Variants in C12orf42 observed in about 807,000 individuals in gnomAD.
C12orf42 encodes uncharacterized protein C12orf42.
A neutral mutation model predicts 21.6 loss-of-function variants in C12orf42; 25 were observed. The ratio of observed to expected loss-of-function variants is 1.16; its 90% CI spans 0.84 to 1.62. The LOEUF is 1.62. C12orf42 is among the 40% of genes most tolerant of loss of function. The pLI is 0.00. For synonymous variants in C12orf42, 174 were observed against 175.0 expected, an observed-to-expected ratio of 0.99 and a Z score of 0.05; for missense variants, 483 against 459.3, an observed-to-expected ratio of 1.05 and a Z score of -0.47.
intron 4 of C12orf42, among the ~76,000 whole-genome samples, chr12:103,340,664 C>G (rs2137229538): frequency 6.6e-6 from 1 of 152,272 alleles, no homozygotes; most frequent in South Asian, 2.1e-4. Flanking sequence ...ACAGTTATAA[C>G]TCTATTCCAT....
chr12:103,418,827 G>A (rs921954639), intron 2 of C12orf42, among the ~76,000 whole-genome samples: 19 of 145,016 alleles, frequency 1.3e-4, no homozygotes, highest in East Asian at 4.3e-4. Context: ...GTAACATTCC[G>A]TTAAATTTTT....
chr12:103,481,658 A>G (rs1434075394), intron 1 of C12orf42, among the ~76,000 whole-genome samples: 2 of 5,560 alleles, frequency 3.6e-4, no homozygotes, highest in African/African-American at 8.4e-4. Flanking sequence ...AGTTACTTTA[A>G]AAAAAAAATA....
At chr12:103,444,820 A>G (rs1270618379) in intron 2 of C12orf42, among the ~76,000 whole-genome samples, 1 of 152,016 alleles carries the variant, frequency 6.6e-6, no homozygotes, top group Non-Finnish European at 1.5e-5. Flanking sequence ...TATCAATATC[A>G]TATTTCCCCT....
In C12orf42 at chr12:103,478,746, G is replaced by C. The variant is rs189677227; in HGVS notation, c.-21-299C>G. Among the ~76,000 whole-genome samples, 6 of 152,092 alleles carry C rather than the reference G, an allele frequency of 3.9e-5. No individual in the cohort carries two copies. The East Asian group carries it at 1.2e-3, about 29-fold the overall frequency. ...TCATCTATTGCAAGATATAATCCTAGGTGGTGCTTGCTTTGGTTGGCTGGT... is the reference window on the plus strand; with the variant it reads ...TCATCTATTGCAAGATATAATCCTACGTGGTGCTTGCTTTGGTTGGCTGGT... On this transcript the variant is annotated intron_variant, in intron 1 of 5. Coordinates refer to ENST00000548883, the MANE Select transcript of C12orf42 (RefSeq NM_198521.5).
chr12:103,502,654 C>G, the C12orf42 span, among the ~76,000 whole-genome samples: 23 of 152,286 alleles, frequency 1.5e-4, no homozygotes, highest in Non-Finnish European at 2.1e-4. Context: ...CAGCCCTGCC[C>G]GCTGCCAGCC....
chr12:103,249,596 T>C (rs1306852468), intron 10 of C12orf42, among the ~76,000 whole-genome samples: 1 of 152,066 alleles, frequency 6.6e-6, no homozygotes, highest in South Asian at 2.1e-4. Flanking sequence ...TCTTACACTA[T>C]CCCATATCTG....
chr12:103,094,186 T>TAATGTAATGGCATAAGGTAATGAGGCC, the C12orf42 span, among the ~76,000 whole-genome samples: 1 of 152,306 alleles, frequency 6.6e-6, no homozygotes, highest in East Asian at 1.9e-4. Flanking sequence ...ACATCCTTGG[T>TAATGTAATGGCATAAGGTAATGAGGCC]TTCTCATTCC....
the C12orf42 span, among the ~76,000 whole-genome samples, chr12:103,120,344 T>C: frequency 6.6e-6 from 1 of 152,176 alleles, no homozygotes; most frequent in Non-Finnish European, 1.5e-5. Flanking sequence ...GAGGAGACAC[T>C]TGAATCAATC....
At chr12:103,179,464 A>T in the C12orf42 span, among the ~76,000 whole-genome samples, 1 of 152,340 alleles carries the variant, frequency 6.6e-6, no homozygotes, top group East Asian at 1.9e-4. Flanking sequence ...CTGGAAGAAG[A>T]AGCCATGTAA....
At chr12:103,426,895 G>C (rs988376280) in intron 2 of C12orf42, among the ~76,000 whole-genome samples, 2 of 152,142 alleles carry the variant, frequency 1.3e-5, no homozygotes, top group Non-Finnish European at 2.9e-5. Context: ...ATCCTTTACA[G>C]ACAAGCAAAT....
the C12orf42 span, among the ~76,000 whole-genome samples, chr12:103,098,103 A>G: frequency 1.3e-5 from 2 of 152,364 alleles, no homozygotes; most frequent in East Asian, 3.9e-4. Flanking sequence ...GCATTACAAG[A>G]AAGTTATTTA....
At chr12:103,138,473 T>C in the C12orf42 span, among the ~76,000 whole-genome samples, 1 of 152,214 alleles carries the variant, frequency 6.6e-6, no homozygotes, top group Non-Finnish European at 1.5e-5. Flanking sequence ...GTCATGATTG[T>C]AAGTTTCTTG....
chr12:103,235,429 A>AT (rs1366974527), downstream of C12orf42, among the ~76,000 whole-genome samples: 1 of 152,128 alleles, frequency 6.6e-6, no homozygotes, highest in Non-Finnish European at 1.5e-5. Context: ...ATTATTTCAG[A>AT]TGTTTTCAAA....
intron 4 of C12orf42, among the ~76,000 whole-genome samples, chr12:103,354,143 C>T (rs77810225): frequency 0.011 from 1,695 of 152,260 alleles, 15 homozygotes; most frequent in Non-Finnish European, 0.018. Flanking sequence ...GTCTACAATA[C>T]AGCAGTCTCC....
At chr12:103,364,099 A>T (rs1476849269) in intron 4 of C12orf42, among the ~76,000 whole-genome samples, 1 of 152,144 alleles carries the variant, frequency 6.6e-6, no homozygotes, top group Non-Finnish European at 1.5e-5. Context: ...ATAGGCCACA[A>T]AACAAGCCTC....
At chr12:103,484,904 C>T (rs1954727816) in intron 1 of C12orf42, among the ~76,000 whole-genome samples, 1 of 116,486 alleles carries the variant, frequency 8.6e-6, no homozygotes, top group Non-Finnish European at 1.6e-5. Flanking sequence ...GAGTCTCTCT[C>T]TGTCGCCCAG....
chr12:103,055,837 C>T, the C12orf42 span, among the ~76,000 whole-genome samples: 1 of 151,952 alleles, frequency 6.6e-6, no homozygotes, highest in South Asian at 2.1e-4. Flanking sequence ...TTGTTTAGTT[C>T]CCAAGTGTTT....
the C12orf42 span, among the ~76,000 whole-genome samples, chr12:103,141,529 C>CTTTTT: frequency 1.6e-5 from 2 of 125,806 alleles, no homozygotes; most frequent in African/African-American, 2.9e-5. Flanking sequence ...AATAATAACA[C>CTTTTT]TTTTTTTTTT....
the C12orf42 span, among the ~76,000 whole-genome samples, chr12:103,160,842 G>C: frequency 1.3e-5 from 2 of 152,182 alleles, no homozygotes; most frequent in Non-Finnish European, 2.9e-5. Flanking sequence ...AAGTCAGATT[G>C]CCTCATTTTG....
Sources: gnomAD v4.1 joint callset for allele counts (sites outside exome capture counted in the v4.1 genomes callset) on GRCh38, gnomAD v4.1.1 for gene constraint, MANE v1.5 for transcripts, NCBI Gene and HGNC (gene_info 2026-07-23, HGNC 2026-07-21) for gene names.